ERCC6: variants seen among roughly 807,000 people sequenced by gnomAD.
ERCC6 encodes the protein DNA excision repair protein ERCC-6.
In ERCC6, 116 loss-of-function variants were observed where a neutral mutation model predicts 158.7. That is an observed-to-expected ratio of 0.73 (90% CI 0.63 to 0.85). The LOEUF is 0.85. Ranked by LOEUF, ERCC6 falls within the 40% of genes least tolerant of loss-of-function variation. The probability of loss-of-function intolerance (pLI) is 0.00; values close to 1 mark genes in which losing one functional copy is unlikely to be tolerated. For synonymous variants in ERCC6, 678 were observed against 659.3 expected, an observed-to-expected ratio of 1.03 and a Z score of -0.43; for missense variants, 1,698 against 1,799.4, an observed-to-expected ratio of 0.94 and a Z score of 1.02.
At chr10:49,463,135 T>C (rs2132528580) in intron 18 of ERCC6, among the ~76,000 whole-genome samples, 1 of 152,342 alleles carries the variant, frequency 6.6e-6, no homozygotes, top group Middle Eastern at 3.4e-3. Flanking sequence ...TAATTGCATA[T>C]ACCTAATGAG....
At chr10:49,514,826 G>C (rs4253078) in intron 5 of ERCC6, among the ~76,000 whole-genome samples, 149,375 of 152,334 alleles carry the variant, frequency 0.98, 73,317 homozygotes, top group Middle Eastern at 1. Context: ...AGCTAAGAAT[G>C]CCTTACAGAT....
intron 1 of ERCC6, among the ~76,000 whole-genome samples, chr10:49,536,124 TAA>T (rs1161501018): frequency 6.6e-6 from 1 of 151,668 alleles, no homozygotes; most frequent in Non-Finnish European, 1.5e-5. Context: ...CTCGAAAAAA[TAA>T]AAAAGTTTCA....
At chr10:49,515,375 A>G (rs1564435926) in intron 5 of ERCC6, 2 of 1,613,888 alleles carry the variant, frequency 1.2e-6, no homozygotes, top group Non-Finnish European at 8.5e-7. Flanking sequence ...CATGTAAGGC[A>G]ACATCACATT....
At chr10:49,528,680 C>A (rs906057931) in intron 3 of ERCC6, among the ~76,000 whole-genome samples, 155 bp from the exon 4 acceptor site, 2 of 152,088 alleles carry the variant, frequency 1.3e-5, no homozygotes, top group Admixed American at 6.5e-5. Flanking sequence ...TACTAGAGAG[C>A]CCTATGTGAG....
the ERCC6 span, among the ~76,000 whole-genome samples, chr10:49,442,993 T>A: frequency 6.6e-6 from 1 of 151,874 alleles, no homozygotes. Context: ...GCAGATAGAG[T>A]GATTTTGTTT....
At chr10:49,531,255 A>AT (rs1564446417) in intron 2 of ERCC6, among the ~76,000 whole-genome samples, 2 of 152,152 alleles carry the variant, frequency 1.3e-5, no homozygotes, top group East Asian at 3.8e-4. Flanking sequence ...ATGCTTAAAC[A>AT]TTTTTTTATA....
chr10:49,501,323 A>G (rs956913853), intron 6 of ERCC6: 1 of 152,940 alleles, frequency 6.5e-6, no homozygotes, highest in South Asian at 2.0e-4. Context: ...AGCACAGTTT[A>G]AAGACTCAAC....
chr10:49,515,321 T>G, intron 5 of ERCC6: 1 of 1,592,864 alleles, frequency 6.3e-7, no homozygotes, highest in Non-Finnish European at 8.6e-7. Flanking sequence ...TCTCAGGAGG[T>G]GGTGACACCT....
chr10:49,511,613 A>G (rs779225876), intron 5 of ERCC6, among the ~76,000 whole-genome samples: 8 of 152,004 alleles, frequency 5.3e-5, no homozygotes, highest in Non-Finnish European at 8.8e-5. Flanking sequence ...TTTGGTGTAG[A>G]TGGGGTTTTG....
At chr10:49,482,005 C>T (rs1850988702) in intron 10 of ERCC6, among the ~76,000 whole-genome samples, 1 of 152,170 alleles carries the variant, frequency 6.6e-6, no homozygotes, top group South Asian at 2.1e-4. Flanking sequence ...TTTCAGTAAC[C>T]CAGCCCTCCC....
rs565582666 is a variant in ERCC6, at chr10:49,510,657, C to T, written c.1398-4645G>A. On this transcript the variant is annotated intron_variant, in intron 5 of 20. Transcript: ENST00000355832. ...CACCTGGGGACAAACACTGTCTTAG[C>T]CATTTTTATAGCACTAGAGACTGGT... Among the ~76,000 whole-genome samples the T allele has an allele frequency of 2.0e-5, 3 of 152,274 alleles. No individual in the cohort carries two copies. The East Asian group carries it at 5.8e-4, about 29-fold the overall frequency.
Position 49,530,777 on chromosome 10 carries a change from G to T in ERCC6, c.486C>A (p.Ala162=). The change falls in exon 3 of 21, where the codon GCC becomes GCA. Residue 162 remains alanine, a synonymous_variant. Coordinates refer to ENST00000355832, the MANE Select transcript of ERCC6 (RefSeq NM_000124.4). ...KIIEQLSPQA[A]TSRDINRKLD... is the part of the protein sequence containing the mutation. ...GTTTCCTGTTGATGTCTCTGCTGGT[G>T]GCAGCTTGAGGGCTAAGCTGTTCAA... 1 of 1,613,730 alleles carries T rather than the reference G, an allele frequency of 6.2e-7. No homozygotes were observed. The highest frequency in any genetic ancestry group is 8.5e-7 in the Non-Finnish European group (1 of 1,179,886).
chr10:49,471,244 A>G (rs1350502406), intron 16 of ERCC6, 124 bp from the exon 17 acceptor site: 20 of 916,816 alleles, frequency 2.2e-5, no homozygotes, highest in East Asian at 2.0e-4. Context: ...TAATCCCCCA[A>G]ACTTTCAGCC....
intron 5 of ERCC6, among the ~76,000 whole-genome samples, chr10:49,517,920 A>G (rs530664307): frequency 6.6e-6 from 1 of 152,362 alleles, no homozygotes; most frequent in East Asian, 1.9e-4. Flanking sequence ...AGGTTTCTGG[A>G]TAAAATCTCA....
intron 5 of ERCC6, among the ~76,000 whole-genome samples, chr10:49,507,603 C>G (rs1328855475): frequency 6.6e-6 from 1 of 152,090 alleles, no homozygotes; most frequent in Non-Finnish European, 1.5e-5. Flanking sequence ...ATGTTATTTA[C>G]AAATTTAGTT....
At chr10:49,473,979 C>T in intron 13 of ERCC6, 48 bp downstream of exon 13, 2 of 1,524,078 alleles carry the variant, frequency 1.3e-6, no homozygotes, top group Non-Finnish European at 1.8e-6. Context: ...GAGTTGATGG[C>T]TGTCATAAAG....
intron 4 of ERCC6, among the ~76,000 whole-genome samples, chr10:49,526,115 T>TATATATATATATATATATATA (rs1564443868): frequency 3.8e-5 from 4 of 105,412 alleles, no homozygotes; most frequent in Non-Finnish European, 7.3e-5. Flanking sequence ...ATTTATATAT[T>TATATATATATATATATATATA]TTTATATATA....
At chr10:49,504,982 A>G (rs999261516) in intron 6 of ERCC6, 4 of 152,214 alleles carry the variant, frequency 2.6e-5, no homozygotes, top group African/African-American at 9.6e-5. Context: ...GACTTCTTCC[A>G]CAAGTTTAGG....
intron 4 of ERCC6, 123 bp from the exon 5 acceptor site, chr10:49,524,900 C>T: frequency 6.5e-7 from 1 of 1,533,026 alleles, no homozygotes; most frequent in Non-Finnish European, 8.7e-7. Context: ...AAAGAATCAT[C>T]CATGTACTAA....
Sources: gnomAD v4.1 joint callset for allele counts (sites outside exome capture counted in the v4.1 genomes callset) on GRCh38, gnomAD v4.1.1 for gene constraint, MANE v1.5 for transcripts, NCBI Gene and HGNC (gene_info 2026-07-23, HGNC 2026-07-21) for gene names.